The following RASGRF2 variants were observed in gnomAD, a reference collection of about 807,000 sequenced individuals.
The protein encoded by RASGRF2 is ras-specific guanine nucleotide-releasing factor 2.
RASGRF2 carries 76 observed loss-of-function variants against 151.0 expected under a neutral mutation model. That is an observed-to-expected ratio of 0.50 (90% CI 0.42 to 0.61). RASGRF2 has a LOEUF of 0.61. RASGRF2 is among the 20% of genes least tolerant of loss of function. The pLI, the probability that RASGRF2 is intolerant of heterozygous loss-of-function variation, is 0.00. For synonymous variants in RASGRF2, 504 were observed against 566.5 expected (o/e 0.89, Z 1.57); for missense variants, 1,148 against 1,564.6 (o/e 0.73, Z 4.49).
chr5:81,040,048 C>G (rs1259052245), intron 1 of RASGRF2, among the ~76,000 whole-genome samples: 1 of 152,278 alleles, frequency 6.6e-6, no homozygotes. Flanking sequence ...CCAGGCTAGA[C>G]TGCAGTGGCC....
chr5:81,217,446 C>A lies in RASGRF2; in HGVS notation c.3525C>A (p.Gly1175=). ...GAACACCAAACTTTACTGAGGAAGGCCTTGTCAATTTCTCCAAAATGAGAA... is the reference window on the plus strand; with the variant it reads ...GAACACCAAACTTTACTGAGGAAGGACTTGTCAATTTCTCCAAAATGAGAA... ...EEGTPNFTEE[G]LVNFSKMRMI... Residue 1175 remains glycine, a synonymous_variant, in exon 25 of 27, where the codon GGC becomes GGA. Transcript: ENST00000265080. 6.2e-7 allele frequency: 1 copy of A among 1,612,748 alleles called. No homozygotes were observed. Among genetic ancestry groups the A allele is most frequent in the Non-Finnish European group, 8.5e-7 (1 of 1,179,636 alleles).
chr5:80,968,181 CTCT>C (rs1417714518), intron 1 of RASGRF2, among the ~76,000 whole-genome samples: 1 of 152,212 alleles, frequency 6.6e-6, no homozygotes, highest in Non-Finnish European at 1.5e-5. Flanking sequence ...TTTGATATTC[CTCT>C]TTTTATTTTC....
chr5:80,987,460 T>G (rs1580170502), intron 1 of RASGRF2, among the ~76,000 whole-genome samples: 1 of 152,334 alleles, frequency 6.6e-6, no homozygotes, highest in Non-Finnish European at 1.5e-5. Flanking sequence ...GTCGTTTGAA[T>G]TCAACACTAA....
intron 2 of RASGRF2, among the ~76,000 whole-genome samples, chr5:81,066,794 G>T (rs1013077950): frequency 2.6e-5 from 4 of 152,234 alleles, no homozygotes; most frequent in Non-Finnish European, 5.9e-5. Flanking sequence ...CAAGGGGAAA[G>T]AATCCATTTG....
At chr5:81,178,586 A>G (rs765455700) in intron 17 of RASGRF2, among the ~76,000 whole-genome samples, 77 of 152,152 alleles carry the variant, frequency 5.1e-4, no homozygotes, top group Non-Finnish European at 1.6e-4. Flanking sequence ...GAGATTTCCT[A>G]GGGAGCGATT....
chr5:81,018,033 T>C (rs1322816255), intron 1 of RASGRF2, among the ~76,000 whole-genome samples: 1 of 151,682 alleles, frequency 6.6e-6, no homozygotes, highest in Non-Finnish European at 1.5e-5. Context: ...CACTTGAACC[T>C]GGGAGGCAGC....
intron 1 of RASGRF2, among the ~76,000 whole-genome samples, chr5:80,967,679 A>G (rs1271954648): frequency 2.6e-5 from 4 of 152,214 alleles, no homozygotes; most frequent in African/African-American, 9.6e-5. Flanking sequence ...TGACTAATGT[A>G]AACAGTGGGG....
At chr5:81,086,451 T>TTA (rs1240425187) in intron 8 of RASGRF2, among the ~76,000 whole-genome samples, 1 of 152,164 alleles carries the variant, frequency 6.6e-6, no homozygotes, top group Non-Finnish European at 1.5e-5. Context: ...AAGCACTTAT[T>TTA]TATGTCTGTG....
At chr5:81,180,417 G>A in intron 18 of RASGRF2, 136 bp downstream of exon 18, 1 of 620,908 alleles carries the variant, frequency 1.6e-6, no homozygotes, top group South Asian at 1.7e-5. Flanking sequence ...AGGAAGGGAA[G>A]AAATAGGCTA....
chr5:81,057,863 G>A (rs987743480), intron 2 of RASGRF2, among the ~76,000 whole-genome samples: 3 of 152,008 alleles, frequency 2.0e-5, no homozygotes, highest in African/African-American at 4.8e-5. Flanking sequence ...AGGCCTGGTG[G>A]TATGCACCTG....
intron 2 of RASGRF2, among the ~76,000 whole-genome samples, chr5:81,055,400 G>C (rs911279114): frequency 6.6e-6 from 1 of 152,068 alleles, no homozygotes; most frequent in Non-Finnish European, 1.5e-5. Flanking sequence ...GGTTTTTATC[G>C]TTGGTTCTGT....
At chr5:81,044,319 G>A (rs1750768136) in intron 2 of RASGRF2, among the ~76,000 whole-genome samples, 1 of 152,126 alleles carries the variant, frequency 6.6e-6, no homozygotes, top group African/African-American at 2.4e-5. Context: ...TTGGGAGGCT[G>A]AGGTGGGAGA....
At position 81,225,972 on chromosome 5, in the gene RASGRF2, G is replaced by A; in HGVS notation, c.*202G>A. ...CAGATGCTTCAGACTTGGGTGGGAA[G>A]GTGAAAGATGGCTATTTAGAAAGCT... On this transcript the variant is annotated 3_prime_UTR_variant, in exon 27 of 27. Coordinates refer to ENST00000265080, the MANE Select transcript of RASGRF2 (RefSeq NM_006909.3). 2.1e-6 allele frequency: 1 copy of A among 475,460 alleles called. No individual in the cohort carries two copies. Among genetic ancestry groups the A allele is most frequent in the Non-Finnish European group, 3.5e-6 (1 of 284,220 alleles). 29.5% of individuals were successfully genotyped at this position (475,460 alleles called of 1,614,324 possible). A position where few individuals can be genotyped will look rare whatever the true frequency, so the allele number is the denominator to read the frequency against.
chr5:81,021,612 G>A (rs1444698840), intron 1 of RASGRF2, among the ~76,000 whole-genome samples: 3 of 152,070 alleles, frequency 2.0e-5, no homozygotes, highest in African/African-American at 7.2e-5. Context: ...GATCTTGCTG[G>A]TGCTGACTGG....
At chr5:81,209,906 C>G (rs570296981) in intron 22 of RASGRF2, among the ~76,000 whole-genome samples, 1 of 152,316 alleles carries the variant, frequency 6.6e-6, no homozygotes, top group East Asian at 1.9e-4. Context: ...CATACACTCA[C>G]TCACCCAAGC....
Position 81,068,060 on chromosome 5 carries a change from G to A in RASGRF2, c.424G>A (p.Val142Ile), listed in dbSNP as rs541362199. 3.1e-6 allele frequency: 5 copies of A among 1,609,372 alleles called. No individual in the cohort carries two copies. In the African/African-American group the frequency reaches 6.7e-5, roughly 22 times the overall value. Residue 142 changes from valine (V) to isoleucine (I), a missense_variant, in exon 3 of 27, where the codon GTA (valine) becomes ATA (isoleucine). Transcript: ENST00000265080. ...SYADILIERE[V>I]LMQKYIHLVQ... ...TGCAGACATTTTGATTGAGAGGGAAGTATTAATGCAGAAGTACATTCATCT... is the reference window on the plus strand; with the variant it reads ...TGCAGACATTTTGATTGAGAGGGAAATATTAATGCAGAAGTACATTCATCT...
intron 9 of RASGRF2, chr5:81,087,297 C>T (rs1171682880): frequency 2.8e-6 from 2 of 703,100 alleles, no homozygotes; most frequent in South Asian, 3.0e-5. Flanking sequence ...ATACCCAGGC[C>T]AAGGCCCAGG....
chr5:81,100,043 C>G (rs574112647), intron 12 of RASGRF2, among the ~76,000 whole-genome samples: 59 of 151,612 alleles, frequency 3.9e-4, no homozygotes, highest in Non-Finnish European at 6.6e-4. Context: ...GAGTAGCTGG[C>G]ACTACAGGCA....
chr5:81,170,792 T>C (rs1167674073), intron 17 of RASGRF2, among the ~76,000 whole-genome samples: 1 of 152,194 alleles, frequency 6.6e-6, no homozygotes, highest in Non-Finnish European at 1.5e-5. Context: ...TTATTATTTA[T>C]TATGTCTGCC....
Sources: gnomAD v4.1 joint callset for allele counts (sites outside exome capture counted in the v4.1 genomes callset) on GRCh38, gnomAD v4.1.1 for gene constraint, MANE v1.5 for transcripts, NCBI Gene and HGNC (gene_info 2026-07-23, HGNC 2026-07-21) for gene names.